The following CLVS2 variants were observed in gnomAD, a reference collection of about 807,000 sequenced individuals.
CLVS2 encodes clavesin 2, also known as clavesin-2.
A neutral mutation model predicts 29.0 loss-of-function variants in CLVS2; 19 were observed. The ratio of observed to expected loss-of-function variants is 0.66; its 90% CI spans 0.46 to 0.96. The LOEUF is 0.96. Among genes scored for constraint, CLVS2 ranks in the 40% least tolerant of loss-of-function variants. CLVS2 has a pLI of 0.00. For missense variants in CLVS2, 294 were observed against 404.1 expected, an observed-to-expected ratio of 0.73 and a Z score of 2.34; for synonymous variants, 161 against 151.3, an observed-to-expected ratio of 1.06 and a Z score of -0.47.
intron 2 of CLVS2, among the ~76,000 whole-genome samples, chr6:122,999,226 C>T (rs553513892): frequency 3.3e-5 from 5 of 152,216 alleles, no homozygotes; most frequent in Middle Eastern, 3.4e-3. Flanking sequence ...CTGGAGCCAT[C>T]GTACAAGACA....
intron 3 of CLVS2, among the ~76,000 whole-genome samples, chr6:123,027,548 G>T (rs1327575685): frequency 1.3e-5 from 2 of 152,082 alleles, no homozygotes; most frequent in African/African-American, 4.8e-5. Flanking sequence ...CTTGCCTTTA[G>T]CCTGCCCCTG....
chr6:123,005,945 T>G (rs1291234496), intron 2 of CLVS2, among the ~76,000 whole-genome samples: 1 of 152,238 alleles, frequency 6.6e-6, no homozygotes, highest in Admixed American at 6.5e-5. Flanking sequence ...AATAGTTTGA[T>G]TTTAACATAT....
intron 5 of CLVS2, among the ~76,000 whole-genome samples, chr6:123,060,550 A>G (rs1772760153): frequency 6.6e-6 from 1 of 152,228 alleles, no homozygotes; most frequent in Non-Finnish European, 1.5e-5. Context: ...AAGTAGTAGT[A>G]TCCCCATTTT....
At chr6:123,036,404 A>AT (rs1452477311) in intron 3 of CLVS2, among the ~76,000 whole-genome samples, 2 of 152,268 alleles carry the variant, frequency 1.3e-5, no homozygotes, top group East Asian at 1.9e-4. Flanking sequence ...TTTCTGTAAG[A>AT]TTTTTTGTAA....
In CLVS2 at chr6:123,066,142, T is replaced by G. The variant is rs530568905; in HGVS notation, c.*2381T>G. ...GAATAAACTCATTTTCTAGTAATGT[T>G]TGTGAACCTTAGTCAAGGGATATTC... On this transcript the variant is annotated 3_prime_UTR_variant, in exon 6 of 6. Coordinates refer to ENST00000275162, the MANE Select transcript of CLVS2 (RefSeq NM_001010852.4). The G allele has an allele frequency of 6.6e-6, 1 of 151,892 alleles. No homozygotes were observed. The highest frequency in any genetic ancestry group is 1.5e-5 in the Non-Finnish European group (1 of 67,748). 9.4% of individuals were successfully genotyped at this position (151,892 alleles called of 1,614,324 possible).
chr6:123,007,096 A>G (rs938912144), intron 2 of CLVS2, among the ~76,000 whole-genome samples: 9 of 152,316 alleles, frequency 5.9e-5, no homozygotes, highest in African/African-American at 2.2e-4. Flanking sequence ...ATTTTGTTTC[A>G]TTTTGTCCTC....
Position 123,068,705 on chromosome 6 carries a change from A to G in CLVS2, c.*4944A>G, listed in dbSNP as rs1298055835. On this transcript the variant is annotated 3_prime_UTR_variant, in exon 6 of 6. Coordinates refer to ENST00000275162, the MANE Select transcript of CLVS2 (RefSeq NM_001010852.4). ...AAGAATACTGAGTATATTATTTGCT[A>G]TTTTACTCAAATGTTATTAATTTTT... is the stretch of plus-strand genomic sequence containing the variant. 2 of 151,724 alleles carry G rather than the reference A, an allele frequency of 1.3e-5. No individual in the cohort carries two copies. Among genetic ancestry groups the G allele is most frequent in the African/African-American group, 4.8e-5 (2 of 41,406 alleles). 9.4% of individuals were successfully genotyped at this position (151,724 alleles called of 1,614,324 possible).
chr6:123,006,245 G>A (rs150407775), intron 2 of CLVS2, among the ~76,000 whole-genome samples: 23 of 152,286 alleles, frequency 1.5e-4, no homozygotes, highest in African/African-American at 4.8e-4. Flanking sequence ...ATAAAGCATC[G>A]GAGTGTACCA....
chr6:123,054,915 C>T (rs534475351), intron 4 of CLVS2, among the ~76,000 whole-genome samples: 1 of 151,412 alleles, frequency 6.6e-6, no homozygotes, highest in Non-Finnish European at 1.5e-5. Context: ...ATCTATTATA[C>T]CCATTGCTAC....
At chr6:123,003,552 A>T (rs1774621394) in intron 2 of CLVS2, among the ~76,000 whole-genome samples, 1 of 150,854 alleles carries the variant, frequency 6.6e-6, no homozygotes, top group Admixed American at 6.6e-5. Context: ...TGACAAACTG[A>T]GTGATTAATA....
At chr6:123,018,406 C>G (rs906740004) in intron 3 of CLVS2, among the ~76,000 whole-genome samples, 8 of 151,980 alleles carry the variant, frequency 5.3e-5, no homozygotes, top group African/African-American at 1.7e-4. Context: ...TCTGTAGATA[C>G]TGATGAAATT....
At chr6:123,052,528 G>A (rs902963398) in intron 4 of CLVS2, among the ~76,000 whole-genome samples, 1 of 152,198 alleles carries the variant, frequency 6.6e-6, no homozygotes, top group Non-Finnish European at 1.5e-5. Flanking sequence ...AGGTGGAAGA[G>A]TGGATATAGA....
intron 3 of CLVS2, among the ~76,000 whole-genome samples, chr6:123,042,051 T>TA (rs1360494868): frequency 1.2e-4 from 19 of 152,302 alleles, no homozygotes; most frequent in African/African-American, 4.3e-4. Flanking sequence ...TTCATTATGG[T>TA]AAATCCATAT....
At chr6:123,061,053 C>T (rs957301592) in intron 5 of CLVS2, among the ~76,000 whole-genome samples, 3 of 152,248 alleles carry the variant, frequency 2.0e-5, no homozygotes, top group Non-Finnish European at 4.4e-5. Context: ...GTAATCCCAG[C>T]ACTTTGGGAG....
At chr6:123,031,022 T>C (rs1320544598) in intron 3 of CLVS2, among the ~76,000 whole-genome samples, 1 of 151,952 alleles carries the variant, frequency 6.6e-6, no homozygotes, top group East Asian at 1.9e-4. Flanking sequence ...CGCCTCAACC[T>C]CCTGGGCTCA....
intron 4 of CLVS2, among the ~76,000 whole-genome samples, chr6:123,049,788 G>A (rs1054421646): frequency 7.0e-5 from 10 of 143,498 alleles, no homozygotes; most frequent in African/African-American, 2.5e-4. Context: ...ATCACACACC[G>A]GGGCCTGTTG....
intron 3 of CLVS2, among the ~76,000 whole-genome samples, chr6:123,024,832 G>A (rs181990676): frequency 7.6e-4 from 115 of 152,186 alleles, no homozygotes; most frequent in African/African-American, 2.6e-3. Flanking sequence ...CATAGGGGAC[G>A]CCTAGTACTC....
chr6:123,013,121 T>G (rs528871764), intron 3 of CLVS2, among the ~76,000 whole-genome samples: 63 of 152,084 alleles, frequency 4.1e-4, no homozygotes, highest in Non-Finnish European at 6.6e-4. Flanking sequence ...TCATATTTAG[T>G]CTCGTACTGA....
chr6:123,026,099 T>C (rs1187665199), intron 3 of CLVS2, among the ~76,000 whole-genome samples: 1 of 152,090 alleles, frequency 6.6e-6, no homozygotes, highest in Non-Finnish European at 1.5e-5. Flanking sequence ...CTTTCCATGT[T>C]AAGAGTAATA....
Sources: gnomAD v4.1 joint callset for allele counts (sites outside exome capture counted in the v4.1 genomes callset) on GRCh38, gnomAD v4.1.1 for gene constraint, MANE v1.5 for transcripts, NCBI Gene and HGNC (gene_info 2026-07-23, HGNC 2026-07-21) for gene names.